The following EFCAB6 variants were observed in gnomAD, a reference collection of about 807,000 sequenced individuals.
EFCAB6 encodes the protein EF-hand calcium-binding domain-containing protein 6.
In EFCAB6, 156 loss-of-function variants were observed where a neutral mutation model predicts 169.8. The ratio of observed to expected loss-of-function variants is 0.92; its 90% CI spans 0.81 to 1.05. EFCAB6 has a LOEUF of 1.05. Among genes scored for constraint, EFCAB6 ranks in the 50% least tolerant of loss-of-function variants. The pLI, the probability that EFCAB6 is intolerant of heterozygous loss-of-function variation, is 0.00. For synonymous variants in EFCAB6, 698 were observed against 676.4 expected, an observed-to-expected ratio of 1.03 and a Z score of -0.50; for missense variants, 1,800 against 1,829.1, an observed-to-expected ratio of 0.98 and a Z score of 0.29.
At chr22:43,698,455 C>T (rs563929715) in intron 10 of EFCAB6, among the ~76,000 whole-genome samples, 41 of 152,276 alleles carry the variant, frequency 2.7e-4, no homozygotes, top group African/African-American at 8.4e-4. Flanking sequence ...ACCAAGATAT[C>T]CCATGCAATA....
At chr22:43,750,811 A>G (rs972913276) in intron 6 of EFCAB6, among the ~76,000 whole-genome samples, 2 of 152,226 alleles carry the variant, frequency 1.3e-5, no homozygotes, top group Non-Finnish European at 2.9e-5. Context: ...TCTTTAAGAG[A>G]ATGAATCTAC....
chr22:43,647,690 T>G (rs2056249106), intron 17 of EFCAB6, among the ~76,000 whole-genome samples: 1 of 152,074 alleles, frequency 6.6e-6, no homozygotes. Flanking sequence ...CTGGTGTCCT[T>G]AGAACAAGAG....
intron 17 of EFCAB6, among the ~76,000 whole-genome samples, chr22:43,641,582 C>T (rs2055803005): frequency 6.7e-6 from 1 of 150,168 alleles, no homozygotes; most frequent in Admixed American, 6.6e-5. Flanking sequence ...CGCCTTTACA[C>T]TCCAGCCTGG....
chr22:43,543,405 G>A (rs138354327), intron 27 of EFCAB6, among the ~76,000 whole-genome samples: 1 of 152,184 alleles, frequency 6.6e-6, no homozygotes, highest in Non-Finnish European at 1.5e-5. Flanking sequence ...CCCGAGGTGA[G>A]AGAGTGTGTG....
chr22:43,714,517 A>T (rs1330255599), intron 9 of EFCAB6, among the ~76,000 whole-genome samples: 2 of 117,694 alleles, frequency 1.7e-5, no homozygotes, highest in Non-Finnish European at 3.6e-5. Context: ...TTGCTTTGTT[A>T]ATTTCAAGGA....
intron 2 of EFCAB6, among the ~76,000 whole-genome samples, chr22:43,791,807 A>C (rs9614186): frequency 0.11 from 17,231 of 152,178 alleles, 1,214 homozygotes; most frequent in Middle Eastern, 0.2. Context: ...TAATGGGGAG[A>C]AACAGTAGAG....
chr22:43,669,966 A>G (rs969426862), intron 15 of EFCAB6, among the ~76,000 whole-genome samples: 9 of 152,166 alleles, frequency 5.9e-5, no homozygotes, highest in African/African-American at 2.2e-4. Flanking sequence ...TCTGACCACA[A>G]ATAAAATGTA....
chr22:43,761,102 G>C (rs757587449), intron 5 of EFCAB6, among the ~76,000 whole-genome samples: 7 of 152,164 alleles, frequency 4.6e-5, no homozygotes, highest in Non-Finnish European at 1.0e-4. Context: ...CCTTATAAAA[G>C]GGCTTATAGG....
At chr22:43,583,377 C>T (rs1481911748) in intron 24 of EFCAB6, among the ~76,000 whole-genome samples, 1 of 151,452 alleles carries the variant, frequency 6.6e-6, no homozygotes, top group East Asian at 2.0e-4. Flanking sequence ...CTCCCTGTTG[C>T]AATAGTCGTT....
chr22:43,688,909 A>G (rs968342254), intron 10 of EFCAB6, among the ~76,000 whole-genome samples: 3 of 152,264 alleles, frequency 2.0e-5, no homozygotes, highest in Non-Finnish European at 4.4e-5. Context: ...TTAATGGCTG[A>G]CAGCGAACTG....
intron 2 of EFCAB6, among the ~76,000 whole-genome samples, chr22:43,789,847 T>TCACACACACACACACACACACACA (rs34752280): frequency 1.5e-4 from 21 of 143,404 alleles, no homozygotes; most frequent in Admixed American, 1.1e-3. Context: ...TGGCTAACCT[T>TCACACACACACACACACACACACA]CACACACACA....
chr22:43,747,559 T>C (rs571474477), intron 6 of EFCAB6, among the ~76,000 whole-genome samples: 134 of 152,318 alleles, frequency 8.8e-4, no homozygotes, highest in Admixed American at 2.7e-3. Flanking sequence ...GGAGGAAGAC[T>C]GTTAGCTCAC....
At chr22:43,544,188 C>T (rs1028923869) in intron 27 of EFCAB6, among the ~76,000 whole-genome samples, 17 of 152,132 alleles carry the variant, frequency 1.1e-4, no homozygotes, top group African/African-American at 3.6e-4. Context: ...TGTGGCAACC[C>T]CTCTGCACCA....
rs1406228897 is a variant in EFCAB6, at chr22:43,786,223, C to T, written c.-7-3898G>A. Among the ~76,000 whole-genome samples the T allele has an allele frequency of 7.2e-5, 11 of 152,218 alleles. No individual in the cohort carries two copies. The East Asian group carries it at 1.7e-3, about 24-fold the overall frequency. On this transcript the variant is annotated intron_variant, in intron 2 of 31. Coordinates refer to ENST00000262726, the MANE Select transcript of EFCAB6 (RefSeq NM_022785.4). ...ACTAAAAATACAAAAATTAGCCAGG[C>T]ATGGTGGCGCATGCTTGTTATCCCA...
intron 6 of EFCAB6, among the ~76,000 whole-genome samples, chr22:43,742,233 ATAT>A (rs1335473741): frequency 1.3e-5 from 2 of 152,226 alleles, no homozygotes; most frequent in East Asian, 3.8e-4. Context: ...AAGAAGGCTA[ATAT>A]TTCATGACAT....
Position 43,772,802 on chromosome 22 carries a change from G to A in EFCAB6, c.351+90C>T, listed in dbSNP as rs186168945. ...CTTCAACTGCTCAGTGGCAACAGTG[G>A]GGACAAAGACAGGAGAGGTTACCTG... On this transcript the variant is annotated intron_variant, in intron 4 of 31. Transcript: ENST00000262726. 6,973 of 1,417,876 alleles carry A rather than the reference G, an allele frequency of 4.9e-3. 28 individuals carry two copies. Among genetic ancestry groups the A allele is most frequent in the Non-Finnish European group, 5.6e-3 (5,820 of 1,033,056 alleles). The allele number at this position is 1,417,876 out of a possible 1,614,324, so 87.8% of individuals were successfully genotyped here.
intron 26 of EFCAB6, 136 bp from the exon 27 acceptor site, chr22:43,555,232 G>A: frequency 1.1e-6 from 1 of 897,514 alleles, no homozygotes; most frequent in South Asian, 1.7e-5. Context: ...CTACAGCCTG[G>A]AGGTGGGTTC....
At chr22:43,643,668 G>C (rs571881333) in intron 17 of EFCAB6, among the ~76,000 whole-genome samples, 1 of 152,308 alleles carries the variant, frequency 6.6e-6, no homozygotes, top group East Asian at 1.9e-4. Flanking sequence ...TGATCAGCCT[G>C]GCACCGTCCA....
At chr22:43,736,845 A>G (rs911853713) in intron 6 of EFCAB6, among the ~76,000 whole-genome samples, 4 of 152,040 alleles carry the variant, frequency 2.6e-5, no homozygotes, top group African/African-American at 9.7e-5. Flanking sequence ...ATTACGAAGG[A>G]CTGCTGACTC....
Sources: allele counts gnomAD v4.1 joint callset (sites outside exome capture counted in the v4.1 genomes callset), GRCh38; gene constraint gnomAD v4.1.1; transcripts MANE v1.5; gene names NCBI Gene and HGNC (gene_info 2026-07-23, HGNC 2026-07-21).